LRRC4C: variants seen among roughly 807,000 people sequenced by gnomAD.
LRRC4C encodes leucine-rich repeat-containing protein 4C.
LRRC4C carries 5 observed loss-of-function variants against 33.6 expected under a neutral mutation model. That is an observed-to-expected ratio of 0.15 (90% CI 0.08 to 0.31). LRRC4C has a LOEUF of 0.31. Among genes scored for constraint, LRRC4C ranks in the 10% least tolerant of loss-of-function variants. The pLI, the probability that LRRC4C is intolerant of heterozygous loss-of-function variation, is 1.00. For synonymous variants in LRRC4C, 329 were observed against 302.0 expected (o/e 1.09, Z -0.93); for missense variants, 560 against 796.7 (o/e 0.70, Z 3.58).
chr11:40,875,227 C>G (rs991471829), intron 2 of LRRC4C, among the ~76,000 whole-genome samples: 1 of 152,108 alleles, frequency 6.6e-6, no homozygotes. Flanking sequence ...TCCTACTAAT[C>G]TATTTCTAAA....
At position 41,192,532 on chromosome 11, in the gene LRRC4C, C is replaced by T. The variant is rs74486839; in HGVS notation, c.-495-258809G>A. Among the ~76,000 whole-genome samples, 1,193 of 152,036 alleles carry T rather than the reference C, an allele frequency of 7.8e-3. 9 individuals are homozygous for T. The highest frequency in any genetic ancestry group is 0.027 in the African/African-American group (1,110 of 41,496). ...ACCCCTTATTCCCCCAAATCTGTATCACCTGGTTATTACCAAATAAATAAG... is the reference window on the plus strand; with the variant it reads ...ACCCCTTATTCCCCCAAATCTGTATTACCTGGTTATTACCAAATAAATAAG... On this transcript the variant is annotated intron_variant, in intron 1 of 6. Transcript: ENST00000528697.
At chr11:41,006,570 A>G (rs1478446000) in intron 1 of LRRC4C, among the ~76,000 whole-genome samples, 2 of 152,162 alleles carry the variant, frequency 1.3e-5, no homozygotes, top group African/African-American at 4.8e-5. Context: ...TTTTCTTTAT[A>G]ATCTTACATA....
chr11:40,258,826 G>T (rs1390517360), intron 4 of LRRC4C, among the ~76,000 whole-genome samples: 1 of 152,172 alleles, frequency 6.6e-6, no homozygotes, highest in Admixed American at 6.6e-5. Context: ...TTCACTTGCT[G>T]CAGCTGAACT....
intron 1 of LRRC4C, among the ~76,000 whole-genome samples, chr11:41,048,435 T>C (rs930082525): frequency 1.3e-5 from 2 of 151,958 alleles, no homozygotes; most frequent in African/African-American, 4.8e-5. Flanking sequence ...CAGCTAGTTT[T>C]TGTATTTTTA....
At chr11:40,805,206 A>C (rs1309168090) in intron 2 of LRRC4C, among the ~76,000 whole-genome samples, 1 of 152,196 alleles carries the variant, frequency 6.6e-6, no homozygotes, top group African/African-American at 2.4e-5. Flanking sequence ...ATGTTTGCTG[A>C]GTGGCTGAGA....
chr11:41,416,564 A>T (rs1359073778), intron 1 of LRRC4C, among the ~76,000 whole-genome samples: 1 of 151,986 alleles, frequency 6.6e-6, no homozygotes, highest in Admixed American at 6.6e-5. Flanking sequence ...CCTGTACTTC[A>T]TGTTACGGAC....
intron 2 of LRRC4C, among the ~76,000 whole-genome samples, chr11:40,915,857 A>G (rs925172832): frequency 3.3e-5 from 5 of 152,148 alleles, no homozygotes; most frequent in Admixed American, 2.6e-4. Flanking sequence ...CAAGAAAAAA[A>G]CAAACAACCC....
At chr11:40,980,317 G>A (rs972359262) in intron 1 of LRRC4C, among the ~76,000 whole-genome samples, 5 of 152,142 alleles carry the variant, frequency 3.3e-5, no homozygotes, top group Non-Finnish European at 5.9e-5. Flanking sequence ...AGAAAAGTTT[G>A]TTGTTGTCAA....
chr11:41,012,871 C>T (rs541267037), intron 1 of LRRC4C, among the ~76,000 whole-genome samples: 2 of 152,264 alleles, frequency 1.3e-5, no homozygotes, highest in African/African-American at 4.8e-5. Context: ...TACCTATTGG[C>T]CATCTGTATG....
intron 3 of LRRC4C, among the ~76,000 whole-genome samples, chr11:40,328,148 A>G (rs1170960237): frequency 6.6e-6 from 1 of 152,142 alleles, no homozygotes; most frequent in African/African-American, 2.4e-5. Flanking sequence ...CAAACTTGAT[A>G]TTCTACTCTT....
intron 3 of LRRC4C, among the ~76,000 whole-genome samples, chr11:40,595,988 A>T (rs7928027): frequency 0.24 from 36,898 of 152,068 alleles, 4,882 homozygotes; most frequent in East Asian, 0.5. Context: ...TGCCTAAGAC[A>T]CCAGATATTA....
At chr11:40,253,165 G>A (rs556518083) in intron 4 of LRRC4C, among the ~76,000 whole-genome samples, 2 of 152,154 alleles carry the variant, frequency 1.3e-5, no homozygotes, top group Admixed American at 1.3e-4. Flanking sequence ...ATTCACCTAG[G>A]TATATATACT....
intron 2 of LRRC4C, among the ~76,000 whole-genome samples, chr11:40,722,295 C>T (rs1947056703): frequency 6.7e-6 from 1 of 148,908 alleles, no homozygotes; most frequent in Admixed American, 6.6e-5. Context: ...CTCTCCTCTC[C>T]TCCCTAGAGA....
intron 1 of LRRC4C, among the ~76,000 whole-genome samples, chr11:41,250,882 G>T (rs1263540750): frequency 6.6e-6 from 1 of 152,114 alleles, no homozygotes; most frequent in Non-Finnish European, 1.5e-5. Context: ...AACAAAATCT[G>T]ATTTTTGACT....
intron 1 of LRRC4C, among the ~76,000 whole-genome samples, chr11:41,342,374 T>A (rs1471072561): frequency 1.3e-5 from 2 of 152,210 alleles, no homozygotes; most frequent in Admixed American, 6.5e-5. Flanking sequence ...CTTTCTAACC[T>A]CTTCCTGGAA....
At chr11:40,239,947 C>T (rs1002441116) in intron 5 of LRRC4C, among the ~76,000 whole-genome samples, 6 of 152,236 alleles carry the variant, frequency 3.9e-5, no homozygotes, top group South Asian at 2.1e-4. Flanking sequence ...GCATCACGTG[C>T]GAGCTTTTAA....
At chr11:41,309,564 C>A (rs1450602344) in intron 1 of LRRC4C, among the ~76,000 whole-genome samples, 1 of 152,152 alleles carries the variant, frequency 6.6e-6, no homozygotes, top group African/African-American at 2.4e-5. Flanking sequence ...ACCCTCTCTC[C>A]CACACTCCTA....
intron 2 of LRRC4C, among the ~76,000 whole-genome samples, chr11:40,836,451 G>T (rs1376212675): frequency 6.6e-6 from 1 of 152,152 alleles, no homozygotes; most frequent in Non-Finnish European, 1.5e-5. Flanking sequence ...CATATAGAAA[G>T]AAAGTTATAG....
chr11:40,657,198 G>A (rs908872294), intron 2 of LRRC4C, among the ~76,000 whole-genome samples: 4 of 152,300 alleles, frequency 2.6e-5, no homozygotes, highest in African/African-American at 9.6e-5. Flanking sequence ...CTATTCACTT[G>A]TCTCACAAGT....
Sources: gnomAD v4.1 joint callset for allele counts (sites outside exome capture counted in the v4.1 genomes callset) on GRCh38, gnomAD v4.1.1 for gene constraint, MANE v1.5 for transcripts, NCBI Gene and HGNC (gene_info 2026-07-23, HGNC 2026-07-21) for gene names.